The following ZHX2 variants were observed in gnomAD, a reference collection of about 807,000 sequenced individuals.
ZHX2 encodes the protein zinc fingers and homeoboxes 2.
A neutral mutation model predicts 21.9 loss-of-function variants in ZHX2; 6 were observed. The observed-to-expected ratio is 0.27, with a 90% CI of 0.15 to 0.54. ZHX2 has a LOEUF of 0.54. ZHX2 is among the 20% of genes least tolerant of loss of function. The pLI is 0.95. For missense variants in ZHX2, 908 were observed against 1,090.7 expected (o/e 0.83, Z 2.36); for synonymous variants, 434 against 437.1 (o/e 0.99, Z 0.09).
intron 1 of ZHX2, among the ~76,000 whole-genome samples, chr8:122,815,965 A>G (rs764755201): frequency 5.8e-4 from 88 of 151,500 alleles, no homozygotes; most frequent in Non-Finnish European, 1.2e-3. Context: ...CTGCAGTCCC[A>G]GCTACTAGGG....
intron 2 of ZHX2, among the ~76,000 whole-genome samples, chr8:122,923,223 G>A (rs1820779164): frequency 6.6e-6 from 1 of 152,248 alleles, no homozygotes. Flanking sequence ...ACAGTTCTGT[G>A]AGTGAGAAGT....
intron 2 of ZHX2, among the ~76,000 whole-genome samples, chr8:122,899,991 A>G (rs1196400860): frequency 6.6e-6 from 1 of 152,186 alleles, no homozygotes; most frequent in Non-Finnish European, 1.5e-5. Context: ...TGGAAAGATG[A>G]ACTGCTCACA....
chr8:122,966,487 C>T (rs1324213438), intron 3 of ZHX2, among the ~76,000 whole-genome samples: 1 of 152,184 alleles, frequency 6.6e-6, no homozygotes, highest in African/African-American at 2.4e-5. Context: ...GGATCCCAGT[C>T]ACTTCTGGCT....
intron 3 of ZHX2, 37 bp downstream of exon 3, chr8:122,954,065 C>T (rs375985195): frequency 4.5e-5 from 68 of 1,514,036 alleles, no homozygotes; most frequent in South Asian, 9.3e-5. Flanking sequence ...CAGGGGAGAA[C>T]GCAGCTTGCT....
chr8:122,819,656 C>G (rs994010269), intron 1 of ZHX2, among the ~76,000 whole-genome samples: 3 of 152,210 alleles, frequency 2.0e-5, no homozygotes, highest in African/African-American at 7.2e-5. Flanking sequence ...TGTCCTGCTC[C>G]ATGGGGACCC....
At chr8:122,840,994 G>A (rs572142237) in intron 1 of ZHX2, among the ~76,000 whole-genome samples, 20 of 152,220 alleles carry the variant, frequency 1.3e-4, no homozygotes, top group Middle Eastern at 3.4e-3. Context: ...CTCCACACCC[G>A]GAAAACACAG....
intron 1 of ZHX2, among the ~76,000 whole-genome samples, chr8:122,787,776 A>G (rs777567232): frequency 2.0e-5 from 3 of 152,208 alleles, no homozygotes; most frequent in Non-Finnish European, 4.4e-5. Flanking sequence ...TTCCTGGGCT[A>G]CAGCCCCTCC....
At chr8:122,850,734 C>T (rs939450647) in intron 1 of ZHX2, among the ~76,000 whole-genome samples, 1 of 151,722 alleles carries the variant, frequency 6.6e-6, no homozygotes, top group African/African-American at 2.4e-5. Context: ...TGCCCCCCAA[C>T]ACCCCCTCAT....
intron 2 of ZHX2, among the ~76,000 whole-genome samples, chr8:122,924,082 T>C (rs1374945802): frequency 1.3e-5 from 2 of 152,146 alleles, no homozygotes; most frequent in Non-Finnish European, 2.9e-5. Context: ...CTGCTTTGCG[T>C]GGTGTATCAG....
At chr8:122,930,148 T>C (rs1299984805) in intron 2 of ZHX2, among the ~76,000 whole-genome samples, 1 of 152,144 alleles carries the variant, frequency 6.6e-6, no homozygotes, top group Non-Finnish European at 1.5e-5. Flanking sequence ...CTGCTCTGCC[T>C]CCTCAGGGCT....
intron 2 of ZHX2, among the ~76,000 whole-genome samples, chr8:122,941,759 A>G (rs1373024884): frequency 6.6e-6 from 1 of 152,116 alleles, no homozygotes; most frequent in Non-Finnish European, 1.5e-5. Context: ...AAGCCAAGTG[A>G]TGTCTTGATT....
intron 1 of ZHX2, among the ~76,000 whole-genome samples, chr8:122,801,787 C>T (rs879499705): frequency 2.6e-5 from 4 of 152,120 alleles, no homozygotes; most frequent in African/African-American, 4.8e-5. Context: ...AGAGACGTTT[C>T]GTAATATCCT....
At chr8:122,859,375 G>C (rs1212744724) in intron 1 of ZHX2, among the ~76,000 whole-genome samples, 1 of 152,140 alleles carries the variant, frequency 6.6e-6, no homozygotes, top group Non-Finnish European at 1.5e-5. Context: ...ATAATAATGG[G>C]TATTGTCAAT....
chr8:122,871,749 T>C (rs1449354431), intron 2 of ZHX2, among the ~76,000 whole-genome samples: 2 of 88,132 alleles, frequency 2.3e-5, no homozygotes, highest in Non-Finnish European at 4.6e-5. Flanking sequence ...AAAAAAAAAC[T>C]ATGTCTGGTA....
chr8:122,874,491 G>A lies in ZHX2; in HGVS notation c.-220+10952G>A, dbSNP rs572611386. 7.8e-5 allele frequency among the ~76,000 whole-genome samples: 11 copies of A among 141,546 alleles called. No individual in the cohort carries two copies. In the East Asian group the frequency reaches 1.9e-3, roughly 24 times the overall value. The allele number at this position is 141,546 out of a possible 152,430, so 92.9% of individuals were successfully genotyped here. A position where few individuals can be genotyped will look rare whatever the true frequency, so the allele number is the denominator to read the frequency against. On this transcript the variant is annotated intron_variant, in intron 2 of 3. Transcript: ENST00000314393. The stretch of plus-strand genomic sequence containing the variant: ...TGGGATTACAGGCATGCACCACCAC[G>A]CCCAGCTAATTTTGTATTTTTAGTA...
rs773366774 is a variant in ZHX2, at chr8:122,952,234, G to A, written c.724G>A (p.Val242Ile). ...GCTCCTCCAAGACACATTAGGACAC[G>A]TCATGCCTTCTGTACAGCTGCCACC... ...VELLQDTLGH[V>I]MPSVQLPPNI... is the part of the protein sequence containing the mutation. Residue 242 changes from valine to isoleucine, a missense_variant, in exon 3 of 4, where the codon GTC becomes ATC. Around this residue, in one of 4 missense-constraint regions of ZHX2, gnomAD observed 232 missense variants for 361.8 expected, o/e 0.64. Transcript: ENST00000314393. The surrounding 1 kb of genome is among the most constrained non-coding windows in gnomAD (Gnocchi z 6.9). The A allele has an allele frequency of 1.7e-5, 28 of 1,613,718 alleles. No individual in the cohort carries two copies. Among genetic ancestry groups the A allele is most frequent in the Admixed American group, 1.7e-4 (10 of 59,942 alleles).
chr8:122,817,872 C>A (rs1818067426), intron 1 of ZHX2, among the ~76,000 whole-genome samples: 1 of 152,208 alleles, frequency 6.6e-6, no homozygotes. Flanking sequence ...TTGGTGGGCA[C>A]CCCACTCCTC....
intron 1 of ZHX2, among the ~76,000 whole-genome samples, chr8:122,813,089 G>A (rs568314176): frequency 3.4e-4 from 52 of 152,056 alleles, no homozygotes; most frequent in Middle Eastern, 3.4e-3. Flanking sequence ...CCAGCTACTC[G>A]GGAGGCTGAG....
chr8:122,800,287 A>T (rs957147836), intron 1 of ZHX2, among the ~76,000 whole-genome samples: 1 of 152,152 alleles, frequency 6.6e-6, no homozygotes, highest in Non-Finnish European at 1.5e-5. Context: ...TGTCCCTTTC[A>T]TCCCAGCCCG....
Sources: gnomAD v4.1 joint callset for allele counts (sites outside exome capture counted in the v4.1 genomes callset) on GRCh38, gnomAD v4.1.1 for gene constraint, gnomAD v4.1.1 regional missense constraint, Gnocchi (gnomAD v3.1) non-coding constraint, MANE v1.5 for transcripts, NCBI Gene and HGNC (gene_info 2026-07-23, HGNC 2026-07-21) for gene names.